Variants in RAD18 observed in about 807,000 individuals in gnomAD.
RAD18 encodes the protein E3 ubiquitin-protein ligase RAD18.
A neutral mutation model predicts 60.4 loss-of-function variants in RAD18; 47 were observed. The observed-to-expected ratio is 0.78, with a 90% confidence interval of 0.62 to 0.99. RAD18 has a LOEUF of 0.99. RAD18 is among the 50% of genes least tolerant of loss of function. The pLI is 0.00. For synonymous variants in RAD18, 225 were observed against 195.5 expected, an observed-to-expected ratio of 1.15 and a Z score of -1.26; for missense variants, 640 against 593.3, an observed-to-expected ratio of 1.08 and a Z score of -0.82.
chr3:8,908,836 G>C (rs1053653987), intron 9 of RAD18, among the ~76,000 whole-genome samples: 2 of 152,168 alleles, frequency 1.3e-5, no homozygotes, highest in African/African-American at 2.4e-5. Context: ...AACAGAGTAG[G>C]CTTCTTGTCT....
chr3:8,887,593 C>T (rs1429397099), intron 12 of RAD18, among the ~76,000 whole-genome samples: 1 of 152,296 alleles, frequency 6.6e-6, no homozygotes, highest in African/African-American at 2.4e-5. Flanking sequence ...CAACTGTTAT[C>T]CGCCACCTCA....
At chr3:8,917,729 C>A (rs6789845) in intron 7 of RAD18, among the ~76,000 whole-genome samples, 1 of 151,466 alleles carries the variant, frequency 6.6e-6, no homozygotes. Context: ...AAAAAGGAGA[C>A]GGAACAAAGG....
chr3:8,894,801 C>G (rs1039470055), intron 11 of RAD18, among the ~76,000 whole-genome samples: 13 of 138,568 alleles, frequency 9.4e-5, no homozygotes, highest in South Asian at 6.9e-4. Context: ...CGCTTTGTCA[C>G]CCAGGCTGGA....
At chr3:8,933,491 C>T (rs1940595202) in intron 7 of RAD18, among the ~76,000 whole-genome samples, 1 of 152,126 alleles carries the variant, frequency 6.6e-6, no homozygotes, top group African/African-American at 2.4e-5. Flanking sequence ...AAAAAGGGCA[C>T]ATACAAAAAG....
chr3:8,899,574 T>C (rs1418019214), intron 10 of RAD18, among the ~76,000 whole-genome samples: 1 of 152,220 alleles, frequency 6.6e-6, no homozygotes, highest in East Asian at 1.9e-4. Flanking sequence ...TTCCATTTGA[T>C]CCAATACACA....
chr3:8,957,923 C>T (rs575005712), intron 2 of RAD18, among the ~76,000 whole-genome samples: 15 of 152,160 alleles, frequency 9.9e-5, no homozygotes, highest in South Asian at 4.1e-4. Context: ...ATGTAAATTA[C>T]ACCCAAATAA....
chr3:8,923,653 G>A (rs953165755), intron 7 of RAD18, among the ~76,000 whole-genome samples: 1 of 152,282 alleles, frequency 6.6e-6, no homozygotes, highest in East Asian at 1.9e-4. Flanking sequence ...AACGTTAAGG[G>A]CAGCCAGAGA....
chr3:8,881,907 CAG>C (rs2125043977), intron 12 of RAD18, among the ~76,000 whole-genome samples: 1 of 152,324 alleles, frequency 6.6e-6, no homozygotes, highest in South Asian at 2.1e-4. Flanking sequence ...TCACTTTTGG[CAG>C]AGTGTTGGAG....
chr3:8,881,347 A>G lies in RAD18; in HGVS notation c.*10T>C. 6.3e-7 allele frequency: 1 copy of G among 1,581,182 alleles called. No individual in the cohort carries two copies. Among genetic ancestry groups the G allele is most frequent in the Non-Finnish European group, 8.7e-7 (1 of 1,152,544 alleles). ...AATCAATGCATTTGAAAAGTCAGCAAAAGCCCACATTAATTCCTATTACGC... is the reference window on the plus strand; with the variant it reads ...AATCAATGCATTTGAAAAGTCAGCAGAAGCCCACATTAATTCCTATTACGC... On this transcript the variant is annotated 3_prime_UTR_variant, in exon 13 of 13. Transcript: ENST00000264926.
In RAD18 at chr3:8,879,945, A is replaced by T. The variant is rs1480287526; in HGVS notation, c.*1412T>A. 1.3e-5 allele frequency: 2 copies of T among 152,248 alleles called. No individual in the cohort carries two copies. Among genetic ancestry groups the T allele is most frequent in the African/African-American group, 4.8e-5 (2 of 41,464 alleles). 9.4% of individuals were successfully genotyped at this position (152,248 alleles called of 1,614,324 possible). On this transcript the variant is annotated 3_prime_UTR_variant, in exon 13 of 13. Coordinates refer to ENST00000264926, the MANE Select transcript of RAD18 (RefSeq NM_020165.4). The stretch of plus-strand genomic sequence containing the variant: ...TGAAACAAACAGTTTTCATTTTGAC[A>T]TAATTTCTGACAACTCAGTGACATA...
At chr3:8,913,329 G>C (rs1416091500) in intron 8 of RAD18, among the ~76,000 whole-genome samples, 1 of 152,166 alleles carries the variant, frequency 6.6e-6, no homozygotes, top group Non-Finnish European at 1.5e-5. Flanking sequence ...CAGTAGCTTA[G>C]AGGTCCTTAG....
chr3:8,913,571 C>T, intron 8 of RAD18, 73 bp downstream of exon 8: 1 of 1,075,278 alleles, frequency 9.3e-7, no homozygotes, highest in African/African-American at 1.6e-5. Flanking sequence ...TTAATAATGG[C>T]TTGCTTTAAT....
intron 7 of RAD18, among the ~76,000 whole-genome samples, chr3:8,920,278 CAAAAAA>C: frequency 1.4e-5 from 1 of 70,076 alleles, no homozygotes; most frequent in Admixed American, 1.6e-4. Flanking sequence ...GACTCCGTCT[CAAAAAA>C]AAAAAAAAAA....
At chr3:8,885,619 T>C (rs1177378274) in intron 12 of RAD18, among the ~76,000 whole-genome samples, 1 of 152,102 alleles carries the variant, frequency 6.6e-6, no homozygotes. Context: ...TGAGAAGTGT[T>C]AACTCTGGCA....
At chr3:8,960,040 TG>T (rs772188180) in intron 1 of RAD18, among the ~76,000 whole-genome samples, 2 of 152,252 alleles carry the variant, frequency 1.3e-5, no homozygotes, top group Non-Finnish European at 2.9e-5. Flanking sequence ...AGGCCTAGCA[TG>T]GTGGCTCTGT....
intron 7 of RAD18, among the ~76,000 whole-genome samples, chr3:8,932,237 CAAGGTAAGCCACATACA>C (rs1559786791): frequency 6.6e-6 from 1 of 152,072 alleles, no homozygotes; most frequent in African/African-American, 2.4e-5. Flanking sequence ...AAGAAAATGA[CAAGGTAAGCCACATACA>C]AAGATAAAAT....
At chr3:8,936,623 T>A (rs960368995) in intron 6 of RAD18, among the ~76,000 whole-genome samples, 11 of 152,222 alleles carry the variant, frequency 7.2e-5, no homozygotes, top group Middle Eastern at 3.2e-3. Flanking sequence ...ACACTTGCTA[T>A]CATTTCAAAA....
At chr3:8,887,665 G>T (rs1272271888) in intron 12 of RAD18, among the ~76,000 whole-genome samples, 2 of 152,152 alleles carry the variant, frequency 1.3e-5, no homozygotes, top group Admixed American at 6.5e-5. Flanking sequence ...TAGAGAAAAG[G>T]CTTTTTGAAT....
At chr3:8,898,381 C>CGTGTGT (rs59853617) in intron 11 of RAD18, among the ~76,000 whole-genome samples, 3,698 of 148,420 alleles carry the variant, frequency 0.025, 141 homozygotes, top group African/African-American at 0.081. Flanking sequence ...TGTGTGCATG[C>CGTGTGT]GTGTGTGTGT....
Sources: allele counts gnomAD v4.1 joint callset (sites outside exome capture counted in the v4.1 genomes callset), GRCh38; gene constraint gnomAD v4.1.1; transcripts MANE v1.5; gene names NCBI Gene and HGNC (gene_info 2026-07-23, HGNC 2026-07-21).